The following NTNG1 variants were observed in gnomAD, a reference collection of about 807,000 sequenced individuals.
NTNG1 encodes the protein netrin-G1.
Under a neutral mutation model 54.0 loss-of-function variants are expected in NTNG1, and 16 were observed. The observed-to-expected ratio is 0.30, with a 90% confidence interval of 0.20 to 0.45. The LOEUF (loss-of-function observed/expected upper bound fraction) is 0.45, where lower values mean the gene tolerates loss of function less well. Among genes scored for constraint, NTNG1 ranks in the 20% least tolerant of loss-of-function variants. The pLI, the probability that NTNG1 is intolerant of heterozygous loss-of-function variation, is 1.00. For synonymous variants in NTNG1, 255 were observed against 263.1 expected (o/e 0.97, Z 0.30); for missense variants, 530 against 678.7 (o/e 0.78, Z 2.43).
intron 2 of NTNG1, among the ~76,000 whole-genome samples, chr1:107,270,039 A>G (rs909862948): frequency 4.6e-5 from 7 of 152,242 alleles, no homozygotes; most frequent in Non-Finnish European, 1.0e-4. Flanking sequence ...AATATCATCA[A>G]CTGCCATTTT....
intron 3 of NTNG1, among the ~76,000 whole-genome samples, chr1:107,350,361 T>C (rs971533953): frequency 2.0e-5 from 3 of 152,212 alleles, no homozygotes; most frequent in African/African-American, 4.8e-5. Flanking sequence ...TTTTGATGAA[T>C]AGATGTTCAT....
At chr1:107,305,051 G>T (rs1192665403) in intron 2 of NTNG1, among the ~76,000 whole-genome samples, 1 of 152,108 alleles carries the variant, frequency 6.6e-6, no homozygotes, top group African/African-American at 2.4e-5. Flanking sequence ...CCATGTCCCT[G>T]CAAAAGACAT....
chr1:107,460,261 T>C (rs530590629), intron 7 of NTNG1: 3 of 422,292 alleles, frequency 7.1e-6, no homozygotes, highest in South Asian at 5.4e-5. Flanking sequence ...AGTGCCGAAC[T>C]GACAGTTCAT....
intron 2 of NTNG1, among the ~76,000 whole-genome samples, chr1:107,183,350 G>A (rs1056603299): frequency 3.3e-5 from 5 of 152,280 alleles, no homozygotes; most frequent in Middle Eastern, 6.8e-3. Context: ...ACTAAAACTA[G>A]AATCCAGTCC....
intron 4 of NTNG1, among the ~76,000 whole-genome samples, chr1:107,397,438 T>G: frequency 6.6e-6 from 1 of 152,150 alleles, no homozygotes; most frequent in East Asian, 1.9e-4. Flanking sequence ...TTTAGTAGTT[T>G]AGTGCACAGA....
At chr1:107,263,189 C>T (rs1398979881) in intron 2 of NTNG1, among the ~76,000 whole-genome samples, 2 of 152,112 alleles carry the variant, frequency 1.3e-5, no homozygotes, top group African/African-American at 4.8e-5. Context: ...GACTGCATCC[C>T]CACAGTTCTT....
At chr1:107,314,945 T>G (rs1219897059) in intron 2 of NTNG1, among the ~76,000 whole-genome samples, 2 of 152,222 alleles carry the variant, frequency 1.3e-5, no homozygotes, top group African/African-American at 4.8e-5. Flanking sequence ...AGCAAAACAT[T>G]TAGAAGAGTG....
At chr1:107,183,561 TTA>T (rs1657227444) in intron 2 of NTNG1, among the ~76,000 whole-genome samples, 1 of 152,158 alleles carries the variant, frequency 6.6e-6, no homozygotes, top group African/African-American at 2.4e-5. Flanking sequence ...GAGGGGCAGC[TTA>T]TATTTGGTTG....
At chr1:107,386,127 GTA>G (rs1671961365) in intron 3 of NTNG1, among the ~76,000 whole-genome samples, 2 of 136,974 alleles carry the variant, frequency 1.5e-5, no homozygotes, top group African/African-American at 5.3e-5. Context: ...ATACTTATAT[GTA>G]TGTATATATA....
At chr1:107,474,096 A>G (rs990620601) in intron 7 of NTNG1, among the ~76,000 whole-genome samples, 6 of 152,212 alleles carry the variant, frequency 3.9e-5, no homozygotes, top group Admixed American at 1.3e-4. Context: ...TCTAAGGATC[A>G]TATTTTACTA....
intron 3 of NTNG1, among the ~76,000 whole-genome samples, chr1:107,393,152 A>G (rs1224898181): frequency 6.6e-6 from 1 of 152,234 alleles, no homozygotes; most frequent in East Asian, 1.9e-4. Context: ...GTTACAAGAT[A>G]CATAATCCAA....
chr1:107,395,114 A>G (rs1308711304), intron 3 of NTNG1, 40 bp from the exon 4 acceptor site: 3 of 1,578,942 alleles, frequency 1.9e-6, no homozygotes, highest in Admixed American at 1.7e-5. Flanking sequence ...ACCAAGACCA[A>G]CTTATCTGAC....
At chr1:107,476,251 C>A (rs962916450) in intron 7 of NTNG1, among the ~76,000 whole-genome samples, 1 of 152,092 alleles carries the variant, frequency 6.6e-6, no homozygotes, top group Admixed American at 6.5e-5. Context: ...CTTCCAATGG[C>A]CTAAATGCTG....
intron 2 of NTNG1, among the ~76,000 whole-genome samples, chr1:107,311,627 C>T (rs1169773537): frequency 6.6e-6 from 1 of 152,082 alleles, no homozygotes; most frequent in Non-Finnish European, 1.5e-5. Flanking sequence ...AGTGACCAAC[C>T]TATGAGCAAA....
At chr1:107,397,090 A>G (rs1191208893) in intron 4 of NTNG1, among the ~76,000 whole-genome samples, 2 of 152,178 alleles carry the variant, frequency 1.3e-5, no homozygotes, top group Non-Finnish European at 2.9e-5. Context: ...TGCATATTGA[A>G]GATCACCAAG....
intron 2 of NTNG1, among the ~76,000 whole-genome samples, chr1:107,179,486 T>A (rs923193130): frequency 2.6e-5 from 4 of 152,136 alleles, no homozygotes; most frequent in African/African-American, 4.8e-5. Flanking sequence ...GTATTTTTTT[T>A]AAAATTGACA....
At chr1:107,424,480 A>G (rs1674764479) in intron 5 of NTNG1, among the ~76,000 whole-genome samples, 1 of 152,152 alleles carries the variant, frequency 6.6e-6, no homozygotes, top group Admixed American at 6.6e-5. Flanking sequence ...AAGTTTTGAA[A>G]GAGTCACTCT....
At chr1:107,271,754 C>A (rs1664159148) in intron 2 of NTNG1, among the ~76,000 whole-genome samples, 1 of 152,012 alleles carries the variant, frequency 6.6e-6, no homozygotes, top group Non-Finnish European at 1.5e-5. Flanking sequence ...AAAAAAAATT[C>A]TACTAATCAG....
At chr1:107,166,042 A>G (rs1655768614) in intron 2 of NTNG1, among the ~76,000 whole-genome samples, 1 of 152,218 alleles carries the variant, frequency 6.6e-6, no homozygotes, top group Non-Finnish European at 1.5e-5. Flanking sequence ...AGCTTTATAA[A>G]GTCAATAATT....
Sources: allele counts gnomAD v4.1 joint callset (sites outside exome capture counted in the v4.1 genomes callset), GRCh38; gene constraint gnomAD v4.1.1; transcripts MANE v1.5; gene names NCBI Gene and HGNC (gene_info 2026-07-23, HGNC 2026-07-21).